Variants in SERINC1 observed in about 807,000 individuals in gnomAD.
SERINC1 encodes the protein serine incorporator 1.
SERINC1 carries 38 observed loss-of-function variants against 52.9 expected under a neutral mutation model. The ratio of observed to expected loss-of-function variants is 0.72; its 90% CI spans 0.55 to 0.94. The LOEUF is 0.94. Among genes scored for constraint, SERINC1 ranks in the 40% least tolerant of loss-of-function variants. The probability of loss-of-function intolerance (pLI) is 0.00; values close to 1 mark genes in which losing one functional copy is unlikely to be tolerated. For synonymous variants in SERINC1, 198 were observed against 183.1 expected, an observed-to-expected ratio of 1.08 and a Z score of -0.66; for missense variants, 471 against 533.9, an observed-to-expected ratio of 0.88 and a Z score of 1.16.
chr6:122,468,847 TAACTA>T (rs533014716), intron 1 of SERINC1, among the ~76,000 whole-genome samples: 14 of 152,278 alleles, frequency 9.2e-5, no homozygotes, highest in East Asian at 1.9e-4. Context: ...CTTAACGACT[TAACTA>T]AACTAAATAT....
chr6:122,464,078 T>C (rs2114489020), intron 1 of SERINC1, among the ~76,000 whole-genome samples: 1 of 152,282 alleles, frequency 6.6e-6, no homozygotes, highest in Non-Finnish European at 1.5e-5. Context: ...TATTGTAGGA[T>C]TCCATTAATA....
At chr6:122,452,155 AAAAT>A (rs1774921474) in intron 5 of SERINC1, 98 bp from the exon 6 acceptor site, 1 of 792,986 alleles carries the variant, frequency 1.3e-6, no homozygotes, top group South Asian at 3.6e-5. Context: ...ATTTTGTCAA[AAAAT>A]ATATTTTAAG....
intron 9 of SERINC1, among the ~76,000 whole-genome samples, chr6:122,445,699 CA>C (rs1432077139): frequency 1.3e-5 from 2 of 151,066 alleles, no homozygotes; most frequent in African/African-American, 4.9e-5. Flanking sequence ...TGAAATATAC[CA>C]AAATCCTTCT....
chr6:122,457,973 C>T (rs560215224), intron 2 of SERINC1, among the ~76,000 whole-genome samples: 1 of 152,210 alleles, frequency 6.6e-6, no homozygotes, highest in East Asian at 1.9e-4. Context: ...AGGACCAGAA[C>T]CTGGTTGTTA....
intron 9 of SERINC1, among the ~76,000 whole-genome samples, chr6:122,445,658 A>G (rs1371534311): frequency 6.6e-6 from 1 of 151,634 alleles, no homozygotes; most frequent in Non-Finnish European, 1.5e-5. Flanking sequence ...GGAAGGAAAT[A>G]TATCTCAAGT....
In SERINC1 at chr6:122,458,573, C is replaced by T; in HGVS notation, c.148G>A (p.Val50Ile). 6.2e-7 allele frequency: 1 copy of T among 1,613,342 alleles called. No individual in the cohort carries two copies. Among genetic ancestry groups the T allele is most frequent in the Non-Finnish European group, 8.5e-7 (1 of 1,179,382 alleles). Reference protein sequence around the residue: ...LIYALFLLVGVCVACVMLIPG... With the variant: ...LIYALFLLVGICVACVMLIPG... ...ATCAACATTACACAAGCTACACATA[C>T]TCCAACAAGCAAGAAAAGTGCATAG... The change falls in exon 2 of 10, where the codon GTA becomes ATA. Residue 50 changes from valine to isoleucine, a missense_variant. Physicochemically the swap from Val to Ile is conservative, Grantham distance 29. Transcript: ENST00000339697.
chr6:122,456,363 TA>T (rs1351821803), intron 3 of SERINC1, 117 bp downstream of exon 3: 6 of 563,544 alleles, frequency 1.1e-5, no homozygotes, highest in Non-Finnish European at 1.4e-5. Flanking sequence ...CATTCATGAA[TA>T]AAGTAATTCT....
At chr6:122,454,296 C>T in intron 3 of SERINC1, 66 bp from the exon 4 acceptor site, 7 of 777,054 alleles carry the variant, frequency 9.0e-6, no homozygotes, top group Non-Finnish European at 1.5e-5. Context: ...TATATGAAAT[C>T]ATTTAACTGC....
intron 9 of SERINC1, 45 bp downstream of exon 9, chr6:122,446,729 G>T: frequency 8.0e-7 from 1 of 1,246,018 alleles, no homozygotes. Flanking sequence ...ATCATAAAAT[G>T]CCATCAGAAT....
chr6:122,451,704 G>A lies in SERINC1; in HGVS notation c.810C>T (p.Tyr270=), dbSNP rs1270845314. Residue 270 remains tyrosine (Y), a synonymous_variant, in exon 7 of 10, where the codon TAC becomes TAT. Transcript: ENST00000339697. The part of the protein sequence containing the change: ...GLLQSSVITV[Y]TMYLTWSAMT... ...TAGCTGACCATGTCAAATACATTGT[G>A]TAGACTGTAATTACTGAAGACTGTA... The A allele has an allele frequency of 2.6e-6, 3 of 1,150,126 alleles. No individual in the cohort carries two copies. The highest frequency in any genetic ancestry group is 3.4e-6 in the Non-Finnish European group (3 of 881,444). The allele number at this position is 1,150,126 out of a possible 1,614,324, so 71.2% of individuals were successfully genotyped here. A position where few individuals can be genotyped will look rare whatever the true frequency, so the allele number is the denominator to read the frequency against.
In SERINC1 at chr6:122,456,564, A is replaced by C. The variant is rs1774999116; in HGVS notation, c.288T>G (p.Gly96=). Residue 96 remains glycine (G), a synonymous_variant, in exon 3 of 10, where the codon GGT becomes GGG. Coordinates refer to ENST00000339697, the MANE Select transcript of SERINC1 (RefSeq NM_020755.4). ...GYKAVYRLCF[G]LAMFYLLLSL... ...AGAGAAGAAGATAGAACATAGCCAA[A>C]CCAAAGCACAAACGATATACAGCTT... 6.2e-7 allele frequency: 1 copy of C among 1,613,056 alleles called. No homozygotes were observed. The highest frequency in any genetic ancestry group is 1.3e-5 in the African/African-American group (1 of 75,000).
chr6:122,458,157 TATAG>T (rs1340541518), intron 2 of SERINC1, among the ~76,000 whole-genome samples: 1 of 152,210 alleles, frequency 6.6e-6, no homozygotes, highest in African/African-American at 2.4e-5. Flanking sequence ...CTTCCTAAAG[TATAG>T]ATACTTTGCT....
In SERINC1 at chr6:122,446,655, G is replaced by A. The variant is rs1034295680; in HGVS notation, c.1226+119C>T. On this transcript the variant is annotated intron_variant, in intron 9 of 9. Coordinates refer to ENST00000339697, the MANE Select transcript of SERINC1 (RefSeq NM_020755.4). ...TGCTGATCTCACTATTCATTTAGCT[G>A]TACATTTTGAAATATATCAGAGGAT... 5 of 660,680 alleles carry A rather than the reference G, an allele frequency of 7.6e-6. No homozygotes were observed. In the South Asian group the frequency reaches 7.7e-5, roughly 10 times the overall value. The allele number at this position is 660,680 out of a possible 1,614,324, so 40.9% of individuals were successfully genotyped here. A position where few individuals can be genotyped will look rare whatever the true frequency, so the allele number is the denominator to read the frequency against.
intron 7 of SERINC1, among the ~76,000 whole-genome samples, chr6:122,450,784 AC>A (rs1376924734): frequency 6.7e-6 from 1 of 148,438 alleles, no homozygotes; most frequent in Non-Finnish European, 1.5e-5. Flanking sequence ...AGCTACAGAT[AC>A]GGTGGAAAGA....
intron 7 of SERINC1, among the ~76,000 whole-genome samples, chr6:122,448,231 A>C (rs1774841676): frequency 6.6e-6 from 1 of 152,178 alleles, no homozygotes; most frequent in African/African-American, 2.4e-5. Flanking sequence ...CTTACCTTAA[A>C]GCCAATTAGG....
rs753476097 is a variant in SERINC1, at chr6:122,471,768, G to A, written c.-31C>T. ...CAACGTCACAAGAGCAGCGGATACAGACAAGATGGAGACAGCTTCTTTCTC... is the reference window on the plus strand; with the variant it reads ...CAACGTCACAAGAGCAGCGGATACAAACAAGATGGAGACAGCTTCTTTCTC... On this transcript the variant is annotated 5_prime_UTR_variant, in exon 1 of 10. Transcript: ENST00000339697. The A allele has an allele frequency of 3.7e-6, 6 of 1,613,656 alleles. No individual in the cohort carries two copies. In the East Asian group the frequency reaches 1.1e-4, roughly 30 times the overall value.
At position 122,446,827 on chromosome 6, in the gene SERINC1, G is replaced by T; in HGVS notation, c.1173C>A (p.Phe391Leu). The part of the protein sequence containing the change: ...GVTYSYSFFH[F>L]MLFLASLYIM... ...TATAAAGTGAAGCCAGGAAAAGCAT[G>T]AAGTGAAAGAAGGAATAACTGTAAG... is the stretch of plus-strand genomic sequence containing the variant. The change falls in exon 9 of 10, where the codon TTC (phenylalanine) becomes TTA (leucine). Residue 391 changes from phenylalanine (F) to leucine (L), a missense_variant. Transcript: ENST00000339697. 6.2e-7 allele frequency: 1 copy of T among 1,614,048 alleles called. No homozygotes were observed. Among genetic ancestry groups the T allele is most frequent in the Non-Finnish European group, 8.5e-7 (1 of 1,179,920 alleles).
At position 122,457,734 on chromosome 6, in the gene SERINC1, A is replaced by C. The variant is rs141528116; in HGVS notation, c.201+786T>G. Among the ~76,000 whole-genome samples the C allele has an allele frequency of 6.7e-4, 102 of 151,744 alleles. 1 individual carries two copies. In the East Asian group the frequency reaches 0.019, roughly 28 times the overall value. On this transcript the variant is annotated intron_variant, in intron 2 of 9. Transcript: ENST00000339697. ...TTTCAGCCTCCAAAACTGAGAAATA[A>C]ATTTTTGTTGTCTTAAGCCACCCAG...
intron 5 of SERINC1, 79 bp from the exon 6 acceptor site, chr6:122,452,136 C>T: frequency 2.2e-6 from 2 of 920,778 alleles, no homozygotes. Flanking sequence ...GTTTTATAAA[C>T]AATCTGTCAT....
Sources: gnomAD v4.1 joint callset for allele counts (sites outside exome capture counted in the v4.1 genomes callset) on GRCh38, gnomAD v4.1.1 for gene constraint, MANE v1.5 for transcripts, NCBI Gene and HGNC (gene_info 2026-07-23, HGNC 2026-07-21) for gene names.